RBFOX1: variants seen among roughly 807,000 people sequenced by gnomAD.
RBFOX1 encodes RNA binding protein fox-1 homolog 1.
A neutral mutation model predicts 57.7 loss-of-function variants in RBFOX1; 8 were observed. The ratio of observed to expected loss-of-function variants is 0.14; its 90% CI spans 0.08 to 0.25. The LOEUF (loss-of-function observed/expected upper bound fraction) is 0.25. Among genes scored for constraint, RBFOX1 ranks in the 10% least tolerant of loss-of-function variants. RBFOX1 has a pLI of 1.00. For synonymous variants in RBFOX1, 326 were observed against 222.4 expected, an observed-to-expected ratio of 1.47 and a Z score of -4.15; for missense variants, 611 against 548.5, an observed-to-expected ratio of 1.11 and a Z score of -1.14.
intron 2 of RBFOX1, among the ~76,000 whole-genome samples, chr16:6,512,814 C>G (rs1258762874): frequency 1.3e-5 from 2 of 152,150 alleles, no homozygotes; most frequent in Admixed American, 6.5e-5. Context: ...ACAGCCAAGC[C>G]TAAGCTTTGC....
intron 5 of RBFOX1, among the ~76,000 whole-genome samples, chr16:7,533,464 C>G (rs1409956328): frequency 6.6e-6 from 1 of 152,172 alleles, no homozygotes; most frequent in Non-Finnish European, 1.5e-5. Flanking sequence ...GCAGATGCTT[C>G]TTGACTTATG....
At chr16:7,422,918 ACCC>A (rs1411446906) in intron 4 of RBFOX1, 2 of 150,976 alleles carry the variant, frequency 1.3e-5, no homozygotes, top group African/African-American at 2.4e-5. Flanking sequence ...AAGCCTCTCC[ACCC>A]CTCCTTTTCC....
chr16:7,665,477 T>G (rs1413626370), intron 13 of RBFOX1, among the ~76,000 whole-genome samples: 5 of 152,192 alleles, frequency 3.3e-5, no homozygotes, highest in African/African-American at 1.2e-4. Flanking sequence ...TCTCTTAATA[T>G]GTATGTCAAA....
intron 4 of RBFOX1, among the ~76,000 whole-genome samples, chr16:7,263,922 A>T (rs2095029313): frequency 2.5e-5 from 2 of 81,120 alleles, no homozygotes; most frequent in South Asian, 8.6e-4. Context: ...ATATAAATTA[A>T]AAAAAAAAAA....
At chr16:5,929,027 C>G (rs1159198357) in intron 4 of RBFOX1, among the ~76,000 whole-genome samples, 2 of 132,576 alleles carry the variant, frequency 1.5e-5, no homozygotes. Flanking sequence ...AAGCTTCTTT[C>G]CAATTTAAAA....
chr16:6,345,489 C>T (rs576906105), intron 2 of RBFOX1, among the ~76,000 whole-genome samples: 4 of 152,318 alleles, frequency 2.6e-5, no homozygotes, highest in South Asian at 2.1e-4. Flanking sequence ...TGGAAAGCTG[C>T]TTCTCCCCCA....
intron 1 of RBFOX1, among the ~76,000 whole-genome samples, chr16:6,314,110 A>C (rs112754230): frequency 6.6e-6 from 1 of 152,160 alleles, no homozygotes; most frequent in African/African-American, 2.4e-5. Flanking sequence ...TTACCTGGGT[A>C]CCAAGTACGG....
At chr16:6,361,259 C>T (rs2088449980) in intron 2 of RBFOX1, among the ~76,000 whole-genome samples, 1 of 152,104 alleles carries the variant, frequency 6.6e-6, no homozygotes, top group Non-Finnish European at 1.5e-5. Flanking sequence ...AAGCACTGCT[C>T]AGCAGGGCAA....
intron 2 of RBFOX1, among the ~76,000 whole-genome samples, chr16:6,330,757 G>A (rs1567951262): frequency 6.6e-6 from 1 of 152,188 alleles, no homozygotes; most frequent in Admixed American, 6.5e-5. Context: ...AAATCACAGT[G>A]AGTGCTGCAA....
At chr16:5,467,812 C>T (rs1014678508) in intron 2 of RBFOX1, among the ~76,000 whole-genome samples, 5 of 152,148 alleles carry the variant, frequency 3.3e-5, no homozygotes, top group African/African-American at 9.7e-5. Flanking sequence ...TTTTTATTTC[C>T]TCCACGATGT....
chr16:5,326,496 T>C (rs2064576758), intron 1 of RBFOX1, among the ~76,000 whole-genome samples: 1 of 152,230 alleles, frequency 6.6e-6, no homozygotes, highest in Non-Finnish European at 1.5e-5. Context: ...TTCTGAGCTC[T>C]GGCATTTCAG....
At chr16:6,838,654 G>A (rs914964367) in intron 3 of RBFOX1, among the ~76,000 whole-genome samples, 2 of 152,146 alleles carry the variant, frequency 1.3e-5, no homozygotes, top group Non-Finnish European at 2.9e-5. Context: ...GTTTGTCCTA[G>A]AATTCTTTAT....
At chr16:7,692,405 T>C (rs1432778600) in intron 14 of RBFOX1, among the ~76,000 whole-genome samples, 1 of 152,268 alleles carries the variant, frequency 6.6e-6, no homozygotes. Context: ...ACTAGATACC[T>C]TTTGAAGCAC....
At position 5,494,934 on chromosome 16, in the gene RBFOX1, G is replaced by T. The variant is rs904745669; in HGVS notation, c.258+27680G>T. ...AGAGTATGTTTTGGCTCCTGTAAGTGAAGTAGGAATAATACAGCGTGGTCG... is the reference window on the plus strand; with the variant it reads ...AGAGTATGTTTTGGCTCCTGTAAGTTAAGTAGGAATAATACAGCGTGGTCG... On this transcript the variant is annotated intron_variant, in intron 2 of 2. Transcript: ENST00000585867. Among the ~76,000 whole-genome samples the T allele has an allele frequency of 3.9e-5, 6 of 152,308 alleles. No homozygotes were observed. In the South Asian group the frequency reaches 8.3e-4, roughly 21 times the overall value.
At chr16:5,361,744 G>C (rs75472223) in intron 1 of RBFOX1, among the ~76,000 whole-genome samples, 1 of 152,200 alleles carries the variant, frequency 6.6e-6, no homozygotes, top group Non-Finnish European at 1.5e-5. Flanking sequence ...TTTGTGCCAA[G>C]TTGTATTCTT....
chr16:7,209,645 G>A lies in RBFOX1; in HGVS notation c.27+157547G>A, dbSNP rs549956366. Among the ~76,000 whole-genome samples the A allele has an allele frequency of 7.2e-5, 11 of 152,230 alleles. No homozygotes were observed. The South Asian group carries it at 2.1e-3, about 29-fold the overall frequency. Reference sequence around the variant, plus strand: ...ACTCTATTAAATTTTTCCTTTTTGAGCACTTAAGTCGCATTTAAAAAAATT... The same window carrying A: ...ACTCTATTAAATTTTTCCTTTTTGAACACTTAAGTCGCATTTAAAAAAATT... On this transcript the variant is annotated intron_variant, in intron 4 of 15. Transcript: ENST00000550418.
intron 1 of RBFOX1, among the ~76,000 whole-genome samples, chr16:6,059,493 T>G (rs1169300892): frequency 6.6e-6 from 1 of 152,204 alleles, no homozygotes; most frequent in African/African-American, 2.4e-5. Flanking sequence ...CACTTTAACC[T>G]TCTATTTACT....
intron 3 of RBFOX1, among the ~76,000 whole-genome samples, chr16:6,737,202 C>G (rs896281971): frequency 1.3e-5 from 2 of 151,994 alleles, no homozygotes; most frequent in African/African-American, 4.8e-5. Flanking sequence ...ATAGGTCAAG[C>G]AAAAAATAAC....
At chr16:6,735,728 C>A (rs920742677) in intron 3 of RBFOX1, among the ~76,000 whole-genome samples, 1 of 152,062 alleles carries the variant, frequency 6.6e-6, no homozygotes, top group South Asian at 2.1e-4. Flanking sequence ...TATGAAAAGC[C>A]CCAGTGCAGG....
Sources: allele counts gnomAD v4.1 joint callset (sites outside exome capture counted in the v4.1 genomes callset), GRCh38; gene constraint gnomAD v4.1.1; transcripts MANE v1.5; gene names NCBI Gene and HGNC (gene_info 2026-07-23, HGNC 2026-07-21).